The following EEFSEC variants were observed in gnomAD, a reference collection of about 807,000 sequenced individuals.
EEFSEC encodes the protein eukaryotic elongation factor, selenocysteine-tRNA specific, also known as selenocysteine-specific elongation factor.
In EEFSEC, 43 loss-of-function variants were observed where a neutral mutation model predicts 42.1. The ratio of observed to expected loss-of-function variants is 1.02; its 90% CI spans 0.80 to 1.32. The LOEUF (loss-of-function observed/expected upper bound fraction) is 1.32, where lower values mean the gene tolerates loss of function less well. Among genes scored for constraint, EEFSEC ranks in the 40% most tolerant of loss-of-function variants. The probability of loss-of-function intolerance (pLI) is 0.00; values close to 1 mark genes in which losing one functional copy is unlikely to be tolerated. For synonymous variants in EEFSEC, 354 were observed against 339.1 expected, an observed-to-expected ratio of 1.04 and a Z score of -0.48; for missense variants, 745 against 803.6, an observed-to-expected ratio of 0.93 and a Z score of 0.88.
chr3:128,363,545 C>A (rs16844098), intron 6 of EEFSEC, among the ~76,000 whole-genome samples: 11,179 of 152,182 alleles, frequency 0.073, 1,306 homozygotes, highest in African/African-American at 0.25. Flanking sequence ...AATGACTACC[C>A]TATGGCCCCT....
intron 4 of EEFSEC, among the ~76,000 whole-genome samples, chr3:128,287,215 C>G (rs2066595109): frequency 6.6e-6 from 1 of 152,192 alleles, no homozygotes; most frequent in Non-Finnish European, 1.5e-5. Context: ...CCCCCTTTGT[C>G]TTGAAGCGTG....
intron 6 of EEFSEC, among the ~76,000 whole-genome samples, chr3:128,392,164 T>G (rs2067921135): frequency 6.6e-6 from 1 of 152,174 alleles, no homozygotes; most frequent in Non-Finnish European, 1.5e-5. Flanking sequence ...CTCTGTTGTC[T>G]CTGAGCCAGG....
At chr3:128,380,307 A>G (rs2067759770) in intron 6 of EEFSEC, among the ~76,000 whole-genome samples, 1 of 152,222 alleles carries the variant, frequency 6.6e-6, no homozygotes, top group African/African-American at 2.4e-5. Context: ...TTGATTTTCT[A>G]AAAGTAAAAA....
chr3:128,400,772 C>G (rs372837876), intron 6 of EEFSEC, among the ~76,000 whole-genome samples: 2 of 152,242 alleles, frequency 1.3e-5, no homozygotes, highest in African/African-American at 2.4e-5. Flanking sequence ...CATGTCAGGG[C>G]GGCACCATGG....
intron 6 of EEFSEC, among the ~76,000 whole-genome samples, chr3:128,398,847 G>C (rs893696786): frequency 8.9e-6 from 1 of 112,918 alleles, no homozygotes; most frequent in African/African-American, 3.6e-5. Flanking sequence ...CACTCCACAG[G>C]GTGGGGGATC....
intron 6 of EEFSEC, among the ~76,000 whole-genome samples, chr3:128,391,757 G>A (rs2067915755): frequency 6.6e-6 from 1 of 152,258 alleles, no homozygotes; most frequent in Non-Finnish European, 1.5e-5. Flanking sequence ...CACCAGCATA[G>A]CGGCCCCACC....
intron 4 of EEFSEC, among the ~76,000 whole-genome samples, chr3:128,314,660 C>T (rs1290490001): frequency 6.6e-5 from 10 of 152,190 alleles, no homozygotes; most frequent in Admixed American, 6.5e-4. Flanking sequence ...CATTTTTCTA[C>T]CTGATAATTT....
At chr3:128,225,076 A>G (rs1366963173) in intron 1 of EEFSEC, among the ~76,000 whole-genome samples, 2 of 152,272 alleles carry the variant, frequency 1.3e-5, no homozygotes, top group African/African-American at 4.8e-5. Context: ...TAGGGGCTGA[A>G]GCAGACAGGA....
intron 6 of EEFSEC, among the ~76,000 whole-genome samples, chr3:128,362,754 C>T (rs1272590339): frequency 3.9e-5 from 6 of 152,206 alleles, no homozygotes; most frequent in African/African-American, 1.4e-4. Flanking sequence ...GCCAGAGAGC[C>T]GTGATTGAGA....
intron 1 of EEFSEC, among the ~76,000 whole-genome samples, chr3:128,195,759 A>G (rs1177307105): frequency 6.6e-6 from 1 of 152,218 alleles, no homozygotes; most frequent in Non-Finnish European, 1.5e-5. Context: ...TGAGGTCAAG[A>G]TGGTAGAGAC....
chr3:128,176,705 T>A (rs2065351458), intron 1 of EEFSEC, among the ~76,000 whole-genome samples: 1 of 152,202 alleles, frequency 6.6e-6, no homozygotes. Flanking sequence ...TGAATTTGAA[T>A]CCTGGCTTCA....
chr3:128,319,704 C>T (rs557068567), intron 4 of EEFSEC, among the ~76,000 whole-genome samples: 86 of 152,332 alleles, frequency 5.6e-4, no homozygotes, highest in South Asian at 1.5e-3. Context: ...ACTATTCTTA[C>T]GTCCAGGTCA....
chr3:128,295,492 C>G (rs2066694641), intron 4 of EEFSEC, among the ~76,000 whole-genome samples: 1 of 113,828 alleles, frequency 8.8e-6, no homozygotes, highest in South Asian at 3.1e-4. Context: ...AATATACAGA[C>G]CTAGTATGAT....
chr3:128,192,741 GGGA>G (rs1296787942), intron 1 of EEFSEC, among the ~76,000 whole-genome samples: 3 of 152,152 alleles, frequency 2.0e-5, no homozygotes, highest in African/African-American at 7.2e-5. Flanking sequence ...TATTTGTTGG[GGGA>G]GGAGGTACAG....
chr3:128,185,492 T>A (rs958344887), intron 1 of EEFSEC, among the ~76,000 whole-genome samples: 1 of 152,012 alleles, frequency 6.6e-6, no homozygotes. Flanking sequence ...CAGGCTGGAG[T>A]GCAATGACGT....
At chr3:128,197,715 G>T (rs1333765612) in intron 1 of EEFSEC, among the ~76,000 whole-genome samples, 1 of 152,118 alleles carries the variant, frequency 6.6e-6, no homozygotes, top group African/African-American at 2.4e-5. Context: ...CCCGTTTCTT[G>T]TCATGGCCCA....
intron 4 of EEFSEC, among the ~76,000 whole-genome samples, chr3:128,309,851 T>A (rs1286507542): frequency 6.6e-6 from 1 of 152,068 alleles, no homozygotes; most frequent in Non-Finnish European, 1.5e-5. Context: ...GGCCTCAGAG[T>A]TCCCCACTCT....
intron 1 of EEFSEC, among the ~76,000 whole-genome samples, chr3:128,189,823 G>C (rs1250695410): frequency 2.6e-5 from 4 of 152,032 alleles, no homozygotes; most frequent in Non-Finnish European, 5.9e-5. Flanking sequence ...GCATTGCAAA[G>C]TGCTAGGATG....
chr3:128,422,911 GC>G, the EEFSEC span, among the ~76,000 whole-genome samples: 3 of 152,200 alleles, frequency 2.0e-5, no homozygotes, highest in Non-Finnish European at 4.4e-5. Flanking sequence ...AGGTCATGCT[GC>G]CCCCACCTGC....
Sources: allele counts gnomAD v4.1 joint callset (sites outside exome capture counted in the v4.1 genomes callset), GRCh38; gene constraint gnomAD v4.1.1; transcripts MANE v1.5; gene names NCBI Gene and HGNC (gene_info 2026-07-23, HGNC 2026-07-21).